Variants in COP1 observed in about 807,000 individuals in gnomAD.
COP1 encodes COP1 E3 ubiquitin ligase.
Under a neutral mutation model 101.3 loss-of-function variants are expected in COP1, and 24 were observed. The observed-to-expected ratio is 0.24, with a 90% CI of 0.17 to 0.33. COP1 has a LOEUF of 0.33. Among genes scored for constraint, COP1 ranks in the 10% least tolerant of loss-of-function variants. The pLI is 1.00. For synonymous variants in COP1, 347 were observed against 341.9 expected (o/e 1.01, Z -0.17); for missense variants, 663 against 906.2 (o/e 0.73, Z 3.45).
intron 18 of COP1, chr1:175,982,447 C>T (rs1226895762): frequency 6.6e-6 from 3 of 455,530 alleles, no homozygotes; most frequent in Non-Finnish European, 1.3e-5. Flanking sequence ...TCAGCCTACT[C>T]CATGTGAAGA....
intron 11 of COP1, among the ~76,000 whole-genome samples, chr1:176,052,339 A>T (rs1672714462): frequency 2.6e-5 from 4 of 152,164 alleles, no homozygotes; most frequent in Admixed American, 2.6e-4. Flanking sequence ...CATTTTTCAG[A>T]ATGTATTTCC....
At chr1:176,056,970 T>A (rs1038947629) in intron 11 of COP1, among the ~76,000 whole-genome samples, 1 of 152,330 alleles carries the variant, frequency 6.6e-6, no homozygotes, top group Middle Eastern at 3.4e-3. Context: ...ATCCTACTCA[T>A]CATATTCACT....
At chr1:176,149,274 C>T (rs74127190) in intron 5 of COP1, among the ~76,000 whole-genome samples, 200 bp from the exon 6 acceptor site, 6,974 of 152,066 alleles carry the variant, frequency 0.046, 328 homozygotes, top group South Asian at 0.14. Context: ...CTAACTAAAA[C>T]TAAGAAACAG....
At chr1:176,075,502 A>C (rs1272108235) in intron 11 of COP1, among the ~76,000 whole-genome samples, 1 of 152,224 alleles carries the variant, frequency 6.6e-6, no homozygotes, top group African/African-American at 2.4e-5. Flanking sequence ...AACACAAAGT[A>C]GCAATTTGAT....
intron 18 of COP1, among the ~76,000 whole-genome samples, chr1:175,949,784 T>G (rs1387606613): frequency 6.6e-6 from 1 of 152,138 alleles, no homozygotes; most frequent in East Asian, 1.9e-4. Context: ...CTTCTGCCAT[T>G]TTGGGTCTAG....
intron 9 of COP1, among the ~76,000 whole-genome samples, chr1:176,111,227 G>C (rs778449422): frequency 4.6e-5 from 7 of 152,104 alleles, no homozygotes; most frequent in Admixed American, 1.3e-4. Context: ...AATATGAATA[G>C]TTCAAACACT....
intron 18 of COP1, among the ~76,000 whole-genome samples, chr1:175,956,901 G>A (rs1479842287): frequency 6.6e-6 from 1 of 152,032 alleles, no homozygotes; most frequent in African/African-American, 2.4e-5. Context: ...ACATTCCGAT[G>A]GGACAAGATG....
At chr1:176,115,315 T>A (rs7522843) in intron 9 of COP1, among the ~76,000 whole-genome samples, 59,787 of 151,510 alleles carry the variant, frequency 0.39, 11,954 homozygotes, top group Admixed American at 0.44. Flanking sequence ...CCAGACGCGG[T>A]GGCACACGCT....
intron 1 of COP1, among the ~76,000 whole-genome samples, chr1:176,193,817 C>T (rs749805712): frequency 3.9e-5 from 6 of 151,980 alleles, no homozygotes; most frequent in Admixed American, 1.3e-4. Context: ...GAGTGCTTAA[C>T]GGGTACAGAG....
intron 1 of COP1, among the ~76,000 whole-genome samples, chr1:176,194,706 C>A (rs1340121754): frequency 6.6e-6 from 1 of 151,878 alleles, no homozygotes; most frequent in Non-Finnish European, 1.5e-5. Context: ...ACTCTGGGTA[C>A]AAGAAACCCA....
chr1:176,021,859 T>C (rs1210893435), intron 15 of COP1, among the ~76,000 whole-genome samples: 4 of 152,214 alleles, frequency 2.6e-5, no homozygotes, highest in Admixed American at 2.6e-4. Context: ...TCATTTTAAG[T>C]AAATAATCTA....
At chr1:176,096,753 T>C (rs929622960) in intron 9 of COP1, among the ~76,000 whole-genome samples, 2 of 152,204 alleles carry the variant, frequency 1.3e-5, no homozygotes, top group African/African-American at 4.8e-5. Flanking sequence ...GTTTTAACTA[T>C]GAAAAAGGAT....
intron 1 of COP1, among the ~76,000 whole-genome samples, 166 bp from the exon 2 acceptor site, chr1:176,184,858 TA>T (rs1383288795): frequency 6.6e-6 from 1 of 152,162 alleles, no homozygotes; most frequent in Non-Finnish European, 1.5e-5. Context: ...AACTAAACTT[TA>T]GGGGATTGTT....
chr1:176,043,881 T>A, intron 12 of COP1, 63 bp from the exon 13 acceptor site: 1 of 943,326 alleles, frequency 1.1e-6, no homozygotes, highest in Non-Finnish European at 1.7e-6. Context: ...ATAAAAATAA[T>A]TTTAATGTGT....
intron 18 of COP1, among the ~76,000 whole-genome samples, chr1:175,978,506 G>A (rs528813730): frequency 1.3e-5 from 2 of 152,242 alleles, no homozygotes; most frequent in Admixed American, 1.3e-4. Flanking sequence ...GGTTGCCTCA[G>A]TTTTCTACCA....
chr1:176,109,408 T>G (rs560184888), intron 9 of COP1, among the ~76,000 whole-genome samples: 14 of 152,344 alleles, frequency 9.2e-5, no homozygotes, highest in African/African-American at 3.4e-4. Flanking sequence ...CTGATCTACA[T>G]GACCACCTTT....
chr1:176,031,383 A>C (rs1334576745), intron 14 of COP1, among the ~76,000 whole-genome samples: 1 of 152,216 alleles, frequency 6.6e-6, no homozygotes, highest in Non-Finnish European at 1.5e-5. Context: ...TCCTCAAAAT[A>C]AGGAGACAGT....
chr1:176,074,063 A>T (rs1472374953), intron 11 of COP1, among the ~76,000 whole-genome samples: 1 of 152,086 alleles, frequency 6.6e-6, no homozygotes, highest in African/African-American at 2.4e-5. Context: ...AGTAGCTGGG[A>T]TTACAGGCAT....
intron 9 of COP1, among the ~76,000 whole-genome samples, chr1:176,086,901 C>A (rs1436174150): frequency 6.6e-6 from 1 of 152,050 alleles, no homozygotes; most frequent in Non-Finnish European, 1.5e-5. Context: ...GTACTGGTAC[C>A]CAAACAGAGA....
Sources: gnomAD v4.1 joint callset for allele counts (sites outside exome capture counted in the v4.1 genomes callset) on GRCh38, gnomAD v4.1.1 for gene constraint, MANE v1.5 for transcripts, NCBI Gene and HGNC (gene_info 2026-07-23, HGNC 2026-07-21) for gene names.